ST3GAL1: variants seen among roughly 807,000 people sequenced by gnomAD.
The protein encoded by ST3GAL1 is ST3 beta-galactoside alpha-2,3-sialyltransferase 1, also known as CMP-N-acetylneuraminate-beta-galactosamide-alpha-2,3-sialyltransferase 1.
ST3GAL1 carries 16 observed loss-of-function variants against 34.1 expected under a neutral mutation model. The observed-to-expected ratio is 0.47, with a 90% CI of 0.32 to 0.71. The LOEUF (loss-of-function observed/expected upper bound fraction) is 0.71. Ranked by LOEUF, ST3GAL1 falls within the 30% of genes least tolerant of loss-of-function variation. The pLI is 0.04. For missense variants in ST3GAL1, 353 were observed against 447.4 expected (o/e 0.79, Z 1.90); for synonymous variants, 191 against 184.7 (o/e 1.03, Z -0.28).
At chr8:133,537,822 G>C (rs1455052596) in intron 2 of ST3GAL1, among the ~76,000 whole-genome samples, 1 of 152,212 alleles carries the variant, frequency 6.6e-6, no homozygotes, top group Non-Finnish European at 1.5e-5. Flanking sequence ...CGGCTGTCTT[G>C]GATCTTTGAG....
chr8:133,543,768 T>A (rs1057447379), intron 2 of ST3GAL1, among the ~76,000 whole-genome samples: 13 of 151,070 alleles, frequency 8.6e-5, no homozygotes, highest in Non-Finnish European at 4.4e-5. Context: ...AAGCTGGGAA[T>A]GGACAAAAAA....
chr8:133,541,579 G>A (rs1408493383), intron 2 of ST3GAL1, among the ~76,000 whole-genome samples: 1 of 152,180 alleles, frequency 6.6e-6, no homozygotes, highest in Non-Finnish European at 1.5e-5. Flanking sequence ...CGGTCCACAT[G>A]TTTTGGCTGG....
rs1346763252 is a variant in ST3GAL1, at chr8:133,508,348, G to T, written c.-428-9159C>A. On this transcript the variant is annotated intron_variant, in intron 2 of 9. Coordinates refer to ENST00000522652, the MANE Select transcript of ST3GAL1 (RefSeq NM_173344.3). The surrounding 1 kb of genome is among the most constrained non-coding windows in gnomAD (Gnocchi z 4.1). ...TCCAGGCCAAATTTTCAGGTTTGTGGGACAGCCTCATGGTACAGTTTGTGC... is the reference window on the plus strand; with the variant it reads ...TCCAGGCCAAATTTTCAGGTTTGTGTGACAGCCTCATGGTACAGTTTGTGC... 6.6e-6 allele frequency among the ~76,000 whole-genome samples: 1 copy of T among 152,068 alleles called. No homozygotes were observed. Among genetic ancestry groups the T allele is most frequent in the Non-Finnish European group, 1.5e-5 (1 of 68,004 alleles).
At position 133,497,766 on chromosome 8, in the gene ST3GAL1, C is replaced by T. The variant is rs553211680; in HGVS notation, c.-374+1369G>A. 1.1e-4 allele frequency among the ~76,000 whole-genome samples: 17 copies of T among 152,220 alleles called. No homozygotes were observed. In the South Asian group the frequency reaches 3.5e-3, roughly 32 times the overall value. Reference sequence around the variant, plus strand: ...AGGATTACAGGCATGAACCACCATGCCCAGCGGATTTTTCTTGCTACACAA... The same window carrying T: ...AGGATTACAGGCATGAACCACCATGTCCAGCGGATTTTTCTTGCTACACAA... On this transcript the variant is annotated intron_variant, in intron 3 of 9. Transcript: ENST00000522652.
At chr8:133,546,700 T>G (rs746427458) in intron 1 of ST3GAL1, among the ~76,000 whole-genome samples, 5 of 151,954 alleles carry the variant, frequency 3.3e-5, no homozygotes, top group Admixed American at 1.3e-4. Flanking sequence ...AGGAAAGGGT[T>G]TCTGAAGACT....
Position 133,467,026 on chromosome 8 carries a change from C to T in ST3GAL1, c.307-936G>A, listed in dbSNP as rs1815762603. On this transcript the variant is annotated intron_variant, in intron 5 of 9. Transcript: ENST00000522652. The surrounding 1 kb of genome is among the most constrained non-coding windows in gnomAD (Gnocchi z 4.2). ...GGGAGAATCTCTTGAACCCGGAAGG[C>T]GGAGGTTGCAGTGAGCCAAGACAGT... Among the ~76,000 whole-genome samples the T allele has an allele frequency of 6.7e-6, 1 of 148,658 alleles. No individual in the cohort carries two copies. Among genetic ancestry groups the T allele is most frequent in the African/African-American group, 2.5e-5 (1 of 40,164 alleles).
At chr8:133,564,913 T>G (rs1013508917) in intron 1 of ST3GAL1, among the ~76,000 whole-genome samples, 13 of 152,250 alleles carry the variant, frequency 8.5e-5, no homozygotes, top group African/African-American at 2.9e-4. Flanking sequence ...TGCTTCTCAT[T>G]AAGATGCTAC....
At chr8:133,564,296 T>C (rs980588450) in intron 1 of ST3GAL1, among the ~76,000 whole-genome samples, 10 of 152,362 alleles carry the variant, frequency 6.6e-5, no homozygotes, top group Admixed American at 3.3e-4. Context: ...GTTATTTTTC[T>C]AGTGTTCTCT....
Position 133,459,956 on chromosome 8 carries a change from G to A in ST3GAL1, c.850-19C>T. The A allele has an allele frequency of 6.2e-7, 1 of 1,601,380 alleles. No individual in the cohort carries two copies. Among genetic ancestry groups the A allele is most frequent in the Non-Finnish European group, 8.5e-7 (1 of 1,171,502 alleles). Reference sequence around the variant, plus strand: ...AGTCCACCTGTGGGAGCAAAGCAAAGATGAGAACCAGACAGCAGGGCTGCT... The same window carrying A: ...AGTCCACCTGTGGGAGCAAAGCAAAAATGAGAACCAGACAGCAGGGCTGCT... On this transcript the variant is annotated intron_variant, in intron 9 of 9. Coordinates refer to ENST00000522652, the MANE Select transcript of ST3GAL1 (RefSeq NM_173344.3). The surrounding 1 kb of genome is among the most constrained non-coding windows in gnomAD (Gnocchi z 4.7).
At chr8:133,524,507 TGGG>T (rs1817904123) in intron 2 of ST3GAL1, among the ~76,000 whole-genome samples, 1 of 152,246 alleles carries the variant, frequency 6.6e-6, no homozygotes. Context: ...TCATGCCTGC[TGGG>T]CTCATGTCAC....
chr8:133,523,342 GCTTTCTCCACC>G (rs68098996), intron 2 of ST3GAL1, among the ~76,000 whole-genome samples: 39,293 of 151,964 alleles, frequency 0.26, 5,198 homozygotes, highest in South Asian at 0.33. Flanking sequence ...TGCAGCTGTT[GCTTTCTCCACC>G]CTTAGAAGCA....
Position 133,455,040 on chromosome 8 carries a change from A to T in ST3GAL1, c.*4724T>A, listed in dbSNP as rs2130900783. The T allele has an allele frequency of 6.6e-6, 1 of 152,336 alleles. No individual in the cohort carries two copies. Among genetic ancestry groups the T allele is most frequent in the Middle Eastern group, 3.4e-3 (1 of 294 alleles). The allele number at this position is 152,336 out of a possible 1,614,324, so 9.4% of individuals were successfully genotyped here. On this transcript the variant is annotated 3_prime_UTR_variant, in exon 10 of 10. Coordinates refer to ENST00000522652, the MANE Select transcript of ST3GAL1 (RefSeq NM_173344.3). ...AATAGAAAGCAAATTTAAAAACACC[A>T]ACACCCAAACACACAAGACTGCACA...
rs1816152432 is a variant in ST3GAL1, at chr8:133,475,797, C to G, written c.228G>C (p.Glu76Asp). The G allele has an allele frequency of 1.9e-6, 3 of 1,614,088 alleles. No individual in the cohort carries two copies. The highest frequency in any genetic ancestry group is 2.5e-6 in the Non-Finnish European group (3 of 1,180,002). ...GQRKLSAWFD[E>D]RFNQTMQPLL... ...GCGGCTGCATGGTCTGGTTGAACCT[C>G]TCATCGAACCAGGCCGAGAGCTTGC... The change falls in exon 5 of 10, where the codon GAG (glutamate) becomes GAC (aspartate). Residue 76 changes from glutamate to aspartate, a missense_variant. By Grantham distance (45) the Glu-to-Asp change is conservative (BLOSUM62 2). Transcript: ENST00000522652.
At chr8:133,560,821 G>T (rs754384027) in intron 1 of ST3GAL1, among the ~76,000 whole-genome samples, 2 of 152,102 alleles carry the variant, frequency 1.3e-5, no homozygotes, top group Non-Finnish European at 2.9e-5. Context: ...AAGTGACCTC[G>T]GTTAAGTGAC....
At chr8:133,509,628 G>C (rs1433700963) in intron 2 of ST3GAL1, among the ~76,000 whole-genome samples, 1 of 152,238 alleles carries the variant, frequency 6.6e-6, no homozygotes, top group Admixed American at 6.5e-5. Context: ...TCACAGGGTG[G>C]AAAGTAGCTG....
chr8:133,486,744 C>A (rs1190076661), intron 3 of ST3GAL1, among the ~76,000 whole-genome samples: 2 of 152,310 alleles, frequency 1.3e-5, no homozygotes, highest in South Asian at 2.1e-4. Flanking sequence ...AGGCTCCCTG[C>A]GCCTCCCAGG....
chr8:133,563,528 T>G (rs1819306331), intron 1 of ST3GAL1, among the ~76,000 whole-genome samples: 1 of 152,158 alleles, frequency 6.6e-6, no homozygotes, highest in Non-Finnish European at 1.5e-5. Flanking sequence ...AAATCCAAAC[T>G]GAGGCGGGAT....
At chr8:133,511,343 C>G (rs1261271900) in intron 2 of ST3GAL1, among the ~76,000 whole-genome samples, 4 of 152,194 alleles carry the variant, frequency 2.6e-5, no homozygotes, top group African/African-American at 9.7e-5. Flanking sequence ...TCCAGCACAT[C>G]TAATAACAGA....
At chr8:133,500,919 T>C (rs934924807) in intron 2 of ST3GAL1, among the ~76,000 whole-genome samples, 42 of 152,188 alleles carry the variant, frequency 2.8e-4, no homozygotes, top group African/African-American at 9.7e-4. Flanking sequence ...TTAGTCATCA[T>C]ACAAATAATG....
Sources: gnomAD v4.1 joint callset for allele counts (sites outside exome capture counted in the v4.1 genomes callset) on GRCh38, gnomAD v4.1.1 for gene constraint, Gnocchi (gnomAD v3.1) non-coding constraint, MANE v1.5 for transcripts, NCBI Gene and HGNC (gene_info 2026-07-23, HGNC 2026-07-21) for gene names.